RASSF6: variants seen among roughly 807,000 people sequenced by gnomAD.
The protein encoded by RASSF6 is ras association domain-containing protein 6.
Under a neutral mutation model 44.0 loss-of-function variants are expected in RASSF6, and 52 were observed. That is an observed-to-expected ratio of 1.18 (90% CI 0.95 to 1.49). The LOEUF is 1.49. Among genes scored for constraint, RASSF6 ranks in the 40% most tolerant of loss-of-function variants. The pLI is 0.00. For missense variants in RASSF6, 464 were observed against 393.3 expected, an observed-to-expected ratio of 1.18 and a Z score of -1.52; for synonymous variants, 162 against 124.6, an observed-to-expected ratio of 1.30 and a Z score of -2.00.
At chr4:73,592,008 T>C (rs187016833) in intron 4 of RASSF6, among the ~76,000 whole-genome samples, 8 of 152,114 alleles carry the variant, frequency 5.3e-5, no homozygotes, top group Non-Finnish European at 7.4e-5. Flanking sequence ...TCGTATAGAC[T>C]GAGGGGTCAG....
At chr4:73,612,972 A>T (rs1726125290) in intron 1 of RASSF6, among the ~76,000 whole-genome samples, 2 of 151,930 alleles carry the variant, frequency 1.3e-5, no homozygotes, top group Admixed American at 1.3e-4. Context: ...TTTCTCACCC[A>T]TTTCCCCTGG....
At chr4:73,602,731 A>G (rs1725357042) in intron 2 of RASSF6, among the ~76,000 whole-genome samples, 1 of 152,190 alleles carries the variant, frequency 6.6e-6, no homozygotes, top group Non-Finnish European at 1.5e-5. Context: ...GTGATAAGAA[A>G]TGGATTCTAT....
At chr4:73,610,851 C>A (rs1404475711) in intron 2 of RASSF6, among the ~76,000 whole-genome samples, 1 of 152,152 alleles carries the variant, frequency 6.6e-6, no homozygotes, top group Non-Finnish European at 1.5e-5. Context: ...TGGTTCATTA[C>A]TGAATGCTCA....
rs1262628355 is a variant in RASSF6, at chr4:73,575,669, A to G, written c.*566T>C. 2 of 152,178 alleles carry G rather than the reference A, an allele frequency of 1.3e-5. No individual in the cohort carries two copies. Among genetic ancestry groups the G allele is most frequent in the Non-Finnish European group, 2.9e-5 (2 of 68,024 alleles). 9.4% of individuals were successfully genotyped at this position (152,178 alleles called of 1,614,324 possible). The stretch of plus-strand genomic sequence containing the variant: ...CAATTAGGATTTCTTAACAGAGTCC[A>G]TAATTTTTCCTTTCCAAAGGCCAGA... On this transcript the variant is annotated 3_prime_UTR_variant, in exon 11 of 11. Coordinates refer to ENST00000307439, the MANE Select transcript of RASSF6 (RefSeq NM_177532.5).
At chr4:73,620,595 A>G (rs759890708), upstream of RASSF6, 206 of 963,248 alleles carry the variant, frequency 2.1e-4, no homozygotes, top group Non-Finnish European at 2.8e-4. Context: ...ACAGCAGGGA[A>G]GTGTCAAGAA....
At chr4:73,609,496 C>T (rs907592564) in intron 2 of RASSF6, among the ~76,000 whole-genome samples, 1 of 152,120 alleles carries the variant, frequency 6.6e-6, no homozygotes, top group Non-Finnish European at 1.5e-5. Flanking sequence ...ATGTTTCCTA[C>T]TATGCTATTA....
rs1723186013 is a variant in RASSF6 at position 73,576,093 on chromosome 4, A to C, written c.*142T>G. The C allele has an allele frequency of 7.4e-6, 4 of 538,160 alleles. No homozygotes were observed. The highest frequency in any genetic ancestry group is 9.7e-6 in the Non-Finnish European group (3 of 309,444). 33.3% of individuals were successfully genotyped at this position (538,160 alleles called of 1,614,324 possible). Reference sequence around the variant, plus strand: ...AATTAACCTCATCACTTCAAAAAGAAATGAGCTTTTTTTGACATTCAATTT... The same window carrying C: ...AATTAACCTCATCACTTCAAAAAGACATGAGCTTTTTTTGACATTCAATTT... On this transcript the variant is annotated 3_prime_UTR_variant, in exon 11 of 11. Coordinates refer to ENST00000307439, the MANE Select transcript of RASSF6 (RefSeq NM_177532.5).
intron 8 of RASSF6, 81 bp downstream of exon 8, chr4:73,581,736 A>G: frequency 1.1e-6 from 1 of 909,568 alleles, no homozygotes; most frequent in South Asian, 1.5e-5. Context: ...AGAATGAGGC[A>G]AACTGTTCTT....
chr4:73,584,256 GA>G (rs1424771180), intron 6 of RASSF6, among the ~76,000 whole-genome samples: 2 of 151,992 alleles, frequency 1.3e-5, no homozygotes, highest in Admixed American at 1.3e-4. Context: ...ATCCTTACAG[GA>G]AAAAGCCTAC....
chr4:73,595,412 T>C (rs987347671), intron 3 of RASSF6, among the ~76,000 whole-genome samples: 14 of 152,146 alleles, frequency 9.2e-5, no homozygotes, highest in Non-Finnish European at 1.0e-4. Context: ...TTGGCCAGGC[T>C]GGTCTCGAAC....
chr4:73,576,296 TTTTC>T lies in RASSF6; in HGVS notation c.949_952del (p.Glu317ArgfsTer5). The T allele has an allele frequency of 6.4e-7, 1 of 1,556,758 alleles. No individual in the cohort carries two copies. On this transcript the variant is annotated frameshift_variant, in exon 11 of 11. Transcript: ENST00000307439. LOFTEE classifies it high-confidence loss of function. ...TTGAAGACATTTCAGTATAATCGCCTTTTCTTTATTGAATCTGAAAATGAGAAGA... is the reference window on the plus strand; with the variant it reads ...TTGAAGACATTTCAGTATAATCGCCTTTTATTGAATCTGAAAATGAGAAGA...
intron 4 of RASSF6, 28 bp downstream of exon 4, chr4:73,593,423 G>A: frequency 6.3e-7 from 1 of 1,583,910 alleles, no homozygotes. Context: ...CATCTTCTGA[G>A]GAATTAAAAA....
upstream of RASSF6, chr4:73,620,579 T>C: frequency 9.0e-7 from 1 of 1,110,026 alleles, no homozygotes; most frequent in South Asian, 1.5e-5. Flanking sequence ...ATTTCTCCTT[T>C]TCGCCACAGC....
At chr4:73,591,948 A>G (rs1724590387) in intron 4 of RASSF6, among the ~76,000 whole-genome samples, 1 of 152,034 alleles carries the variant, frequency 6.6e-6, no homozygotes, top group South Asian at 2.1e-4. Context: ...ATACAAAAAT[A>G]CAATTGACTG....
At chr4:73,615,563 T>A (rs576071050) in intron 1 of RASSF6, among the ~76,000 whole-genome samples, 2 of 152,346 alleles carry the variant, frequency 1.3e-5, no homozygotes, top group African/African-American at 4.8e-5. Context: ...TACAAATCTA[T>A]GTAGGCCCTG....
At chr4:73,619,272 G>T (rs2149403389) in intron 1 of RASSF6, among the ~76,000 whole-genome samples, 1 of 152,236 alleles carries the variant, frequency 6.6e-6, no homozygotes, top group Non-Finnish European at 1.5e-5. Flanking sequence ...AAAACTGATT[G>T]AGTAGCAAAT....
intron 8 of RASSF6, 61 bp downstream of exon 8, chr4:73,581,756 C>G: frequency 8.9e-7 from 1 of 1,123,092 alleles, no homozygotes; most frequent in Admixed American, 1.8e-5. Flanking sequence ...TCTGCCTTCC[C>G]CCTGGGCAGC....
At chr4:73,600,504 T>C (rs551742901) in intron 2 of RASSF6, among the ~76,000 whole-genome samples, 111 of 152,320 alleles carry the variant, frequency 7.3e-4, no homozygotes, top group African/African-American at 2.5e-3. Context: ...GGCAGGGAGT[T>C]TGGTCCACTT....
intron 4 of RASSF6, among the ~76,000 whole-genome samples, chr4:73,592,840 A>T (rs1724651549): frequency 6.6e-6 from 1 of 152,188 alleles, no homozygotes; most frequent in Non-Finnish European, 1.5e-5. Flanking sequence ...TTTCCAATGA[A>T]GGAATGCAGT....
Sources: gnomAD v4.1 joint callset for allele counts (sites outside exome capture counted in the v4.1 genomes callset) on GRCh38, gnomAD v4.1.1 for gene constraint, MANE v1.5 for transcripts, NCBI Gene and HGNC (gene_info 2026-07-23, HGNC 2026-07-21) for gene names.